Variants in WASF2 observed in about 807,000 individuals in gnomAD.
WASF2 encodes actin-binding protein WASF2.
Under a neutral mutation model 45.0 loss-of-function variants are expected in WASF2, and 14 were observed. The ratio of observed to expected loss-of-function variants is 0.31; its 90% CI spans 0.21 to 0.49. The LOEUF (loss-of-function observed/expected upper bound fraction) is 0.49, where lower values mean the gene tolerates loss of function less well. Ranked by LOEUF, WASF2 falls within the 20% of genes least tolerant of loss-of-function variation. The pLI, the probability that WASF2 is intolerant of heterozygous loss-of-function variation, is 0.99. For synonymous variants in WASF2, 200 were observed against 236.3 expected (o/e 0.85, Z 1.41); for missense variants, 439 against 636.1 (o/e 0.69, Z 3.33).
chr1:27,426,011 T>C (rs1335067891), intron 2 of WASF2, among the ~76,000 whole-genome samples: 2 of 151,864 alleles, frequency 1.3e-5, no homozygotes, highest in African/African-American at 2.4e-5. Flanking sequence ...AGCAAAACTC[T>C]GTCTCAAAAA....
chr1:27,465,938 G>C (rs2017606662), intron 1 of WASF2, among the ~76,000 whole-genome samples: 1 of 152,184 alleles, frequency 6.6e-6, no homozygotes, highest in African/African-American at 2.4e-5. Flanking sequence ...TCAGGAGCTA[G>C]CTTGAAGAAC....
intron 2 of WASF2, among the ~76,000 whole-genome samples, chr1:27,428,321 G>A (rs188402856): frequency 1.1e-4 from 17 of 152,304 alleles, no homozygotes; most frequent in Admixed American, 3.3e-4. Flanking sequence ...TGGGGGTGTT[G>A]GGTAGATAAA....
At chr1:27,432,081 G>A (rs926389145) in intron 1 of WASF2, among the ~76,000 whole-genome samples, 21 of 152,258 alleles carry the variant, frequency 1.4e-4, no homozygotes, top group Non-Finnish European at 2.1e-4. Flanking sequence ...AAGAAGCATG[G>A]AGTTATGCAT....
In WASF2 at chr1:27,477,361, G is replaced by A. The variant is rs190639364; in HGVS notation, c.-44+12625C>T. 1.3e-3 allele frequency among the ~76,000 whole-genome samples: 193 copies of A among 151,884 alleles called. 2 individuals carry two copies. Among genetic ancestry groups the A allele is most frequent in the Admixed American group, 0.012 (183 of 15,218 alleles). On this transcript the variant is annotated intron_variant, in intron 1 of 8. Transcript: ENST00000618852. ...CCAACACCAGCCTGGCCAACATGGC[G>A]AAATCCCATCTCTACTAAAAATACA...
chr1:27,481,288 A>AGG (rs2017846379), intron 1 of WASF2, among the ~76,000 whole-genome samples: 1 of 152,100 alleles, frequency 6.6e-6, no homozygotes, highest in African/African-American at 2.4e-5. Context: ...TGGGCGACAG[A>AGG]GGGAGACTCC....
intron 1 of WASF2, among the ~76,000 whole-genome samples, chr1:27,465,690 C>A (rs113057606): frequency 1.3e-5 from 2 of 152,204 alleles, no homozygotes; most frequent in African/African-American, 2.4e-5. Flanking sequence ...GGTTCTAGGG[C>A]AGATTACGGT....
At chr1:27,487,128 T>C (rs769103438) in intron 1 of WASF2, among the ~76,000 whole-genome samples, 34 of 146,512 alleles carry the variant, frequency 2.3e-4, no homozygotes, top group South Asian at 8.4e-4. Context: ...TGAGACGGAG[T>C]CTCGCTCTGT....
rs1247967625 is a variant in WASF2 at position 27,487,978 on chromosome 1, T to C, written c.-44+2008A>G. Among the ~76,000 whole-genome samples the C allele has an allele frequency of 2.0e-5, 3 of 151,862 alleles. No homozygotes were observed. The East Asian group carries it at 5.8e-4, about 29-fold the overall frequency. On this transcript the variant is annotated intron_variant, in intron 1 of 8. Coordinates refer to ENST00000618852, the MANE Select transcript of WASF2 (RefSeq NM_006990.5). ...AACAAATTACAATTGACTTTTTCTA[T>C]GAAAGTAGAGCCTGGGACATGGATA...
intron 1 of WASF2, among the ~76,000 whole-genome samples, chr1:27,437,185 G>A (rs1489608052): frequency 6.6e-6 from 1 of 152,062 alleles, no homozygotes; most frequent in Non-Finnish European, 1.5e-5. Flanking sequence ...CTAAAATTGG[G>A]GGAATCTCTT....
Position 27,470,084 on chromosome 1 carries a change from A to G in WASF2, c.-44+19902T>C, listed in dbSNP as rs1178649460. On this transcript the variant is annotated intron_variant, in intron 1 of 8. Coordinates refer to ENST00000618852, the MANE Select transcript of WASF2 (RefSeq NM_006990.5). ...TGGACATGTAGTGACAGGGAGTATTATATCTGAAGTGTACAGACAGTGTCA... is the reference window on the plus strand; with the variant it reads ...TGGACATGTAGTGACAGGGAGTATTGTATCTGAAGTGTACAGACAGTGTCA... 3.9e-5 allele frequency among the ~76,000 whole-genome samples: 6 copies of G among 152,224 alleles called. No individual in the cohort carries two copies. The South Asian group carries it at 1.2e-3, about 31-fold the overall frequency.
At position 27,407,663 on chromosome 1, in the gene WASF2, C is replaced by G. The variant is rs2016697432; in HGVS notation, c.*526G>C. 11 of 152,506 alleles carry G rather than the reference C, an allele frequency of 7.2e-5. No homozygotes were observed. Among genetic ancestry groups the G allele is most frequent in the Admixed American group, 6.5e-4 (10 of 15,298 alleles). 9.4% of individuals were successfully genotyped at this position (152,506 alleles called of 1,614,324 possible). ...GAGATCGCTTAGCAAAAGGCAGGCC[C>G]ACCCTGCTGATTAGGGCAGAGGGTG... On this transcript the variant is annotated 3_prime_UTR_variant, in exon 9 of 9. Transcript: ENST00000618852.
rs550106283 is a variant in WASF2 at position 27,482,610 on chromosome 1, T to C, written c.-44+7376A>G. 5.3e-5 allele frequency among the ~76,000 whole-genome samples: 8 copies of C among 152,364 alleles called. No individual in the cohort carries two copies. The South Asian group carries it at 1.7e-3, about 32-fold the overall frequency. ...ATCAGTGGTAGAAATTAAATTTACATAGATCTGCATAAATAATTCAGCTAT... is the reference window on the plus strand; with the variant it reads ...ATCAGTGGTAGAAATTAAATTTACACAGATCTGCATAAATAATTCAGCTAT... On this transcript the variant is annotated intron_variant, in intron 1 of 8. Transcript: ENST00000618852.
At chr1:27,488,356 A>T (rs1325324631) in intron 1 of WASF2, among the ~76,000 whole-genome samples, 3 of 152,198 alleles carry the variant, frequency 2.0e-5, no homozygotes, top group Non-Finnish European at 4.4e-5. Flanking sequence ...AAAGAAAGGG[A>T]TATTAAGCTT....
Position 27,405,326 on chromosome 1 carries a change from C to T in WASF2, c.*2863G>A, listed in dbSNP as rs959271079. On this transcript the variant is annotated 3_prime_UTR_variant, in exon 9 of 9. Transcript: ENST00000618852. ...GAATGTACCCATCTCACAACCAAGG[C>T]AAAGCCACAAGTTGCTTCTGACACT... 1.3e-5 allele frequency: 2 copies of T among 152,202 alleles called. No homozygotes were observed. Among genetic ancestry groups the T allele is most frequent in the African/African-American group, 4.8e-5 (2 of 41,416 alleles). The allele number at this position is 152,202 out of a possible 1,614,324, so 9.4% of individuals were successfully genotyped here. A position where few individuals can be genotyped will look rare whatever the true frequency, so the allele number is the denominator to read the frequency against.
intron 1 of WASF2, among the ~76,000 whole-genome samples, chr1:27,479,830 A>G (rs759280891): frequency 2.0e-5 from 3 of 152,246 alleles, no homozygotes; most frequent in Non-Finnish European, 4.4e-5. Flanking sequence ...GCGCCACTAC[A>G]TTCCAGCCTG....
At chr1:27,420,320 T>C (rs2016887794) in intron 2 of WASF2, among the ~76,000 whole-genome samples, 1 of 152,142 alleles carries the variant, frequency 6.6e-6, no homozygotes, top group Non-Finnish European at 1.5e-5. Context: ...AACATAGCAG[T>C]GGTCTCTTTC....
intron 1 of WASF2, among the ~76,000 whole-genome samples, chr1:27,463,075 C>G (rs2017568414): frequency 6.6e-6 from 1 of 152,142 alleles, no homozygotes; most frequent in African/African-American, 2.4e-5. Flanking sequence ...CTGCCTGGAC[C>G]TCCCAAATTG....
chr1:27,468,107 T>G (rs2017640168), intron 1 of WASF2, among the ~76,000 whole-genome samples: 1 of 152,064 alleles, frequency 6.6e-6, no homozygotes, highest in Non-Finnish European at 1.5e-5. Flanking sequence ...CTAATTTTTC[T>G]GTTTTAGTAT....
chr1:27,449,451 T>C (rs2017353266), intron 1 of WASF2, among the ~76,000 whole-genome samples: 1 of 151,844 alleles, frequency 6.6e-6, no homozygotes, highest in Non-Finnish European at 1.5e-5. Flanking sequence ...ATACAAAAAT[T>C]AGCTGGGCAT....
Sources: gnomAD v4.1 joint callset for allele counts (sites outside exome capture counted in the v4.1 genomes callset) on GRCh38, gnomAD v4.1.1 for gene constraint, MANE v1.5 for transcripts, NCBI Gene and HGNC (gene_info 2026-07-23, HGNC 2026-07-21) for gene names.